Variants in ZNF385B observed in about 807,000 individuals in gnomAD.
ZNF385B encodes zinc finger protein 533.
A neutral mutation model predicts 39.2 loss-of-function variants in ZNF385B; 23 were observed. That is an observed-to-expected ratio of 0.59 (90% CI 0.42 to 0.83). ZNF385B has a LOEUF of 0.83. Ranked by LOEUF, ZNF385B falls within the 40% of genes least tolerant of loss-of-function variation. The pLI, the probability that ZNF385B is intolerant of heterozygous loss-of-function variation, is 0.00. For missense variants in ZNF385B, 552 were observed against 598.9 expected, an observed-to-expected ratio of 0.92 and a Z score of 0.82; for synonymous variants, 205 against 222.6, an observed-to-expected ratio of 0.92 and a Z score of 0.70.
intron 3 of ZNF385B, among the ~76,000 whole-genome samples, chr2:179,702,987 T>C (rs909429856): frequency 1.3e-5 from 2 of 152,258 alleles, no homozygotes; most frequent in Non-Finnish European, 2.9e-5. Flanking sequence ...AACAAAAACT[T>C]CTGTCTGAAT....
At chr2:179,610,414 G>T (rs1328096906) in intron 3 of ZNF385B, among the ~76,000 whole-genome samples, 1 of 152,172 alleles carries the variant, frequency 6.6e-6, no homozygotes, top group Non-Finnish European at 1.5e-5. Flanking sequence ...ATTGGTCTAT[G>T]TGTCTATTTT....
At chr2:179,546,746 C>T (rs1428495330) in intron 3 of ZNF385B, among the ~76,000 whole-genome samples, 2 of 150,482 alleles carry the variant, frequency 1.3e-5, no homozygotes, top group Admixed American at 6.6e-5. Flanking sequence ...ACCCACCTAG[C>T]AGTGGGATTG....
chr2:179,482,397 G>C lies in ZNF385B; in HGVS notation c.715+875C>G, dbSNP rs540185861. On this transcript the variant is annotated intron_variant, in intron 6 of 9. Coordinates refer to ENST00000410066, the MANE Select transcript of ZNF385B (RefSeq NM_152520.6). ...CTCTCAGTCTCCTTTAACAGACACT[G>C]TTCCTCAAAGAGTCACTGAAACAAG... Among the ~76,000 whole-genome samples the C allele has an allele frequency of 2.0e-5, 3 of 152,352 alleles. No homozygotes were observed. The East Asian group carries it at 5.8e-4, about 29-fold the overall frequency.
intron 6 of ZNF385B, among the ~76,000 whole-genome samples, chr2:179,471,652 C>A (rs2052782908): frequency 6.6e-6 from 1 of 152,056 alleles, no homozygotes; most frequent in Non-Finnish European, 1.5e-5. Flanking sequence ...GATATTAGAC[C>A]CACTGATAAA....
intron 3 of ZNF385B, among the ~76,000 whole-genome samples, chr2:179,679,047 G>A (rs1697248950): frequency 6.6e-6 from 1 of 152,116 alleles, no homozygotes; most frequent in Admixed American, 6.5e-5. Flanking sequence ...GCTTTGCAGT[G>A]TTAGACGCTC....
chr2:179,639,213 T>G (rs1575061077), intron 3 of ZNF385B, among the ~76,000 whole-genome samples: 2 of 96,958 alleles, frequency 2.1e-5, no homozygotes, highest in Middle Eastern at 9.3e-3. Context: ...GGGGACAGAG[T>G]GAGATCCTGC....
chr2:179,493,471 A>G (rs191343740), intron 5 of ZNF385B, among the ~76,000 whole-genome samples: 1 of 91,616 alleles, frequency 1.1e-5, no homozygotes, highest in African/African-American at 3.7e-5. Flanking sequence ...ACATATATGC[A>G]TGTGTACACA....
At chr2:179,761,125 T>A (rs1000065507) in intron 3 of ZNF385B, among the ~76,000 whole-genome samples, 11 of 152,180 alleles carry the variant, frequency 7.2e-5, no homozygotes, top group East Asian at 1.9e-4. Context: ...AAAACCACTG[T>A]CTTGATTACT....
At chr2:179,752,939 T>C (rs1448959195) in intron 3 of ZNF385B, among the ~76,000 whole-genome samples, 1 of 152,192 alleles carries the variant, frequency 6.6e-6, no homozygotes, top group Non-Finnish European at 1.5e-5. Flanking sequence ...TTAGTTTAAT[T>C]AGATCCCATT....
chr2:179,585,416 AG>A (rs758213466), intron 3 of ZNF385B, among the ~76,000 whole-genome samples: 1 of 152,146 alleles, frequency 6.6e-6, no homozygotes, highest in Admixed American at 6.5e-5. Flanking sequence ...GTGTCTTTAT[AG>A]TACCTATTTA....
chr2:179,641,451 T>C (rs999533979), intron 3 of ZNF385B, among the ~76,000 whole-genome samples: 2 of 152,166 alleles, frequency 1.3e-5, no homozygotes, highest in African/African-American at 4.8e-5. Flanking sequence ...CAGACTCAGA[T>C]AATTTCTGAC....
intron 3 of ZNF385B, among the ~76,000 whole-genome samples, chr2:179,619,868 C>T (rs928929474): frequency 7.9e-5 from 12 of 152,126 alleles, no homozygotes; most frequent in African/African-American, 2.9e-4. Flanking sequence ...TCATCCAACA[C>T]AATGTGAGTA....
At chr2:179,699,885 G>A (rs1699047544) in intron 3 of ZNF385B, among the ~76,000 whole-genome samples, 3 of 152,164 alleles carry the variant, frequency 2.0e-5, no homozygotes, top group Admixed American at 2.0e-4. Context: ...GGAAGAAAGA[G>A]TTGCTCATAA....
chr2:179,702,711 T>A (rs1699299958), intron 3 of ZNF385B, among the ~76,000 whole-genome samples: 1 of 152,020 alleles, frequency 6.6e-6, no homozygotes, highest in Non-Finnish European at 1.5e-5. Context: ...AAAAACAGAG[T>A]TCTTTATGGG....
intron 3 of ZNF385B, among the ~76,000 whole-genome samples, chr2:179,589,240 T>C (rs1384309990): frequency 6.6e-6 from 1 of 152,188 alleles, no homozygotes; most frequent in Non-Finnish European, 1.5e-5. Context: ...TCATCATTAC[T>C]CTCTAGCTGC....
chr2:179,764,316 T>A (rs190085724), intron 3 of ZNF385B, among the ~76,000 whole-genome samples: 1 of 152,170 alleles, frequency 6.6e-6, no homozygotes, highest in Non-Finnish European at 1.5e-5. Context: ...TTCTTTTCCA[T>A]CCTTTTACTT....
At chr2:179,840,463 C>T (rs986011188) in intron 1 of ZNF385B, among the ~76,000 whole-genome samples, 22 of 152,174 alleles carry the variant, frequency 1.4e-4, no homozygotes, top group Middle Eastern at 6.8e-3. Flanking sequence ...TTTTGTTGAC[C>T]TTGTGGAGCT....
At chr2:179,806,027 C>G (rs192273432) in intron 1 of ZNF385B, among the ~76,000 whole-genome samples, 2 of 151,870 alleles carry the variant, frequency 1.3e-5, no homozygotes, top group East Asian at 3.9e-4. Context: ...ATATCTTAAA[C>G]CTGATGAAAA....
intron 6 of ZNF385B, among the ~76,000 whole-genome samples, chr2:179,453,747 G>A (rs1517706): frequency 0.64 from 97,588 of 151,944 alleles, 32,152 homozygotes; most frequent in East Asian, 0.91. Flanking sequence ...AGTGCCCAAC[G>A]TAAGAAGTCT....
Sources: allele counts gnomAD v4.1 joint callset (sites outside exome capture counted in the v4.1 genomes callset), GRCh38; gene constraint gnomAD v4.1.1; transcripts MANE v1.5; gene names NCBI Gene and HGNC (gene_info 2026-07-23, HGNC 2026-07-21).